PEX5L: variants seen among roughly 807,000 people sequenced by gnomAD.
PEX5L encodes the protein peroxisomal biogenesis factor 5 like.
PEX5L carries 30 observed loss-of-function variants against 84.0 expected under a neutral mutation model. The ratio of observed to expected loss-of-function variants is 0.36; its 90% CI spans 0.27 to 0.48. The LOEUF (loss-of-function observed/expected upper bound fraction) is 0.48, where lower values mean the gene tolerates loss of function less well. Ranked by LOEUF, PEX5L falls within the 20% of genes least tolerant of loss-of-function variation. PEX5L has a pLI of 0.99. For synonymous variants in PEX5L, 270 were observed against 283.1 expected (o/e 0.95, Z 0.46); for missense variants, 533 against 754.6 (o/e 0.71, Z 3.44).
intron 8 of PEX5L, among the ~76,000 whole-genome samples, chr3:179,822,449 T>G (rs1280359806): frequency 6.6e-6 from 1 of 152,208 alleles, no homozygotes; most frequent in Non-Finnish European, 1.5e-5. Context: ...ACACCAGAAC[T>G]CACTGTTACC....
rs141827659 is a variant in PEX5L at position 179,811,861 on chromosome 3, A to C, written c.1094T>G (p.Phe365Cys). 1,180 of 1,613,412 alleles carry C rather than the reference A, an allele frequency of 7.3e-4. 1 individual carries two copies. The highest frequency in any genetic ancestry group is 9.3e-4 in the South Asian group (85 of 91,066). ...ATTCTCCGCCTGGGTTATCCCGAGG[A>C]ACTGCCATGCCTACGAAAGACAACT... is the stretch of plus-strand genomic sequence containing the variant. Reference protein sequence around the residue: ...QDPGDAEAWQFLGITQAENEN... With the variant: ...QDPGDAEAWQCLGITQAENEN... Residue 365 changes from phenylalanine (F) to cysteine (C), a missense_variant, in exon 11 of 15, where the codon TTC becomes TGC. By Grantham distance (205) the Phe-to-Cys change is radical (BLOSUM62 -2). Coordinates refer to ENST00000467460, the MANE Select transcript of PEX5L (RefSeq NM_016559.3).
chr3:179,963,971 A>G (rs1289496174), intron 2 of PEX5L, among the ~76,000 whole-genome samples: 2 of 152,126 alleles, frequency 1.3e-5, no homozygotes, highest in East Asian at 3.9e-4. Context: ...TTAACTCTTA[A>G]TTTAGGTTCA....
chr3:179,809,390 T>G, intron 12 of PEX5L, 81 bp downstream of exon 12: 2 of 1,008,262 alleles, frequency 2.0e-6, no homozygotes, highest in Non-Finnish European at 1.6e-6. Context: ...GTCTAGGGTG[T>G]GAGGCTCATT....
At chr3:179,992,171 T>C (rs1787441863) in intron 1 of PEX5L, among the ~76,000 whole-genome samples, 3 of 152,192 alleles carry the variant, frequency 2.0e-5, no homozygotes, top group Admixed American at 2.0e-4. Context: ...TGTGACACTA[T>C]ATGCAATATA....
chr3:179,895,267 C>A (rs1758886043), intron 3 of PEX5L, among the ~76,000 whole-genome samples: 1 of 152,082 alleles, frequency 6.6e-6, no homozygotes, highest in Non-Finnish European at 1.5e-5. Context: ...TCTCTGAAAT[C>A]TGGTGTGTAT....
At chr3:179,863,665 G>A (rs1176622610) in intron 7 of PEX5L, among the ~76,000 whole-genome samples, 6 of 152,080 alleles carry the variant, frequency 3.9e-5, no homozygotes, top group South Asian at 2.1e-4. Flanking sequence ...GTCTGTTATC[G>A]AAAAGATGAA....
intron 8 of PEX5L, among the ~76,000 whole-genome samples, chr3:179,830,393 T>C (rs963094698): frequency 3.5e-5 from 5 of 144,924 alleles, no homozygotes; most frequent in Middle Eastern, 3.7e-3. Context: ...GGTAGGAAAA[T>C]GGTTGAAGCT....
intron 1 of PEX5L, among the ~76,000 whole-genome samples, chr3:180,034,515 A>G (rs1791724166): frequency 6.6e-6 from 1 of 152,162 alleles, no homozygotes; most frequent in African/African-American, 2.4e-5. Context: ...ATATGAGTTT[A>G]AAATGTAAGC....
At chr3:179,881,070 AC>A (rs1553876566) in intron 4 of PEX5L, 1 of 152,338 alleles carries the variant, frequency 6.6e-6, no homozygotes, top group Non-Finnish European at 1.5e-5. Flanking sequence ...CACCCAGCTC[AC>A]GTAGGAAAGC....
intron 7 of PEX5L, among the ~76,000 whole-genome samples, chr3:179,862,687 G>A (rs1415126521): frequency 6.6e-6 from 1 of 151,962 alleles, no homozygotes; most frequent in Non-Finnish European, 1.5e-5. Context: ...AGAAACTGAA[G>A]AAAATGCAAA....
intron 4 of PEX5L, among the ~76,000 whole-genome samples, chr3:179,883,381 T>G (rs893298825): frequency 2.6e-5 from 4 of 152,222 alleles, no homozygotes; most frequent in African/African-American, 9.6e-5. Flanking sequence ...GTCACCCTTG[T>G]AGCACTTTGT....
At chr3:179,871,669 C>T (rs1434050063) in intron 7 of PEX5L, among the ~76,000 whole-genome samples, 1 of 152,174 alleles carries the variant, frequency 6.6e-6, no homozygotes, top group African/African-American at 2.4e-5. Context: ...TTGTTCAAAT[C>T]GTGTTCAAAT....
At chr3:179,964,985 C>T (rs372860108) in intron 2 of PEX5L, among the ~76,000 whole-genome samples, 13 of 152,370 alleles carry the variant, frequency 8.5e-5, no homozygotes, top group Middle Eastern at 3.4e-3. Context: ...ACAGTTATGA[C>T]ATGGCCATAG....
At chr3:179,848,569 A>C (rs1455147986) in intron 8 of PEX5L, among the ~76,000 whole-genome samples, 2 of 148,220 alleles carry the variant, frequency 1.3e-5, no homozygotes, top group East Asian at 3.9e-4. Flanking sequence ...AAAAAAAAAA[A>C]GAAAAGAAGA....
At chr3:179,915,388 A>G (rs1452664208) in intron 2 of PEX5L, among the ~76,000 whole-genome samples, 1 of 152,204 alleles carries the variant, frequency 6.6e-6, no homozygotes, top group East Asian at 1.9e-4. Context: ...TAGAGATTAA[A>G]TAAAATAAAA....
chr3:179,859,791 A>G (rs1745356272), intron 7 of PEX5L, among the ~76,000 whole-genome samples: 1 of 152,220 alleles, frequency 6.6e-6, no homozygotes, highest in African/African-American at 2.4e-5. Flanking sequence ...CTTTGCCACA[A>G]TTAATAGGCA....
intron 2 of PEX5L, among the ~76,000 whole-genome samples, chr3:179,960,720 C>T (rs990957322): frequency 6.6e-6 from 1 of 152,142 alleles, no homozygotes; most frequent in African/African-American, 2.4e-5. Flanking sequence ...CAATATCTAA[C>T]CTGTTTATGA....
chr3:179,811,221 G>A (rs765678930), intron 11 of PEX5L, among the ~76,000 whole-genome samples: 1,231 of 7,870 alleles, frequency 0.16, 7 homozygotes, highest in Non-Finnish European at 0.19. Flanking sequence ...GAATGTATGT[G>A]TGTGTGTGTG....
intron 7 of PEX5L, among the ~76,000 whole-genome samples, chr3:179,862,223 G>C (rs972795913): frequency 2.0e-5 from 3 of 152,142 alleles, no homozygotes; most frequent in Non-Finnish European, 4.4e-5. Flanking sequence ...ACATGTGGTT[G>C]CATTTAGGGC....
Sources: allele counts gnomAD v4.1 joint callset (sites outside exome capture counted in the v4.1 genomes callset), GRCh38; gene constraint gnomAD v4.1.1; transcripts MANE v1.5; gene names NCBI Gene and HGNC (gene_info 2026-07-23, HGNC 2026-07-21).